The following SGO2 variants were observed in gnomAD, a reference collection of about 807,000 sequenced individuals.
SGO2 encodes shugoshin-like 2.
In SGO2, 68 loss-of-function variants were observed where a neutral mutation model predicts 99.5. The ratio of observed to expected loss-of-function variants is 0.68; its 90% confidence interval spans 0.56 to 0.84. SGO2 has a LOEUF of 0.84. SGO2 is among the 40% of genes least tolerant of loss of function. The pLI is 0.00. For synonymous variants in SGO2, 457 were observed against 487.1 expected (o/e 0.94, Z 0.81); for missense variants, 1,350 against 1,436.7 (o/e 0.94, Z 0.97).
chr2:200,567,396 CTA>C (rs771095914), intron 5 of SGO2, among the ~76,000 whole-genome samples: 26 of 152,196 alleles, frequency 1.7e-4, no homozygotes, highest in Non-Finnish European at 2.4e-4. Context: ...TCATTGGTGT[CTA>C]TTTTTAAATT....
rs751265110 is a variant in SGO2 at position 200,542,601 on chromosome 2, T to C, written c.410T>C (p.Leu137Pro). ...TAGTTCCATCAGAGTTCCTTTCTACTGTCAGCTAGCAAGAAGAAACGAATT... is the reference window on the plus strand; with the variant it reads ...TAGTTCCATCAGAGTTCCTTTCTACCGTCAGCTAGCAAGAAGAAACGAATT... ...LSEFHQSSFL[L>P]SASKKKRISK... Residue 137 changes from leucine (L) to proline (P), a missense_variant, in exon 5 of 9, where the codon CTG (leucine) becomes CCG (proline). Transcript: ENST00000357799. The C allele has an allele frequency of 6.2e-7, 1 of 1,612,924 alleles. No individual in the cohort carries two copies. The highest frequency in any genetic ancestry group is 1.1e-5 in the South Asian group (1 of 91,006).
intron 5 of SGO2, among the ~76,000 whole-genome samples, chr2:200,560,622 C>T (rs531579781): frequency 2.0e-5 from 3 of 152,016 alleles, no homozygotes; most frequent in Admixed American, 1.3e-4. Flanking sequence ...AATTCCACTT[C>T]GTTATGATGT....
chr2:200,555,819 A>G (rs1407242391), intron 5 of SGO2, among the ~76,000 whole-genome samples: 1 of 152,236 alleles, frequency 6.6e-6, no homozygotes, highest in Non-Finnish European at 1.5e-5. Flanking sequence ...GAAACAGAAT[A>G]GAGCCTTAGA....
chr2:200,574,554 A>T (rs1316406767), intron 7 of SGO2, among the ~76,000 whole-genome samples: 2 of 152,054 alleles, frequency 1.3e-5, no homozygotes, highest in Non-Finnish European at 2.9e-5. Flanking sequence ...AGTAATTTTG[A>T]CTAGAGGAAT....
intron 5 of SGO2, among the ~76,000 whole-genome samples, chr2:200,566,558 T>G (rs1439140935): frequency 2.0e-5 from 3 of 152,176 alleles, no homozygotes; most frequent in Non-Finnish European, 4.4e-5. Flanking sequence ...TTCTCAGATC[T>G]CAAACCCTGG....
rs2033487354 is a variant in SGO2, at chr2:200,572,706, G to A, written c.2360G>A (p.Gly787Glu). Residue 787 changes from glycine (G) to glutamate (E), a missense_variant, in exon 7 of 9, where the codon GGG becomes GAG. By Grantham distance (98) the Gly-to-Glu change is moderately conservative (BLOSUM62 -2). Transcript: ENST00000357799. ...LYDSEIQNVL[G>E]VKHGHDMQPA... ...GATTCTGAGATTCAAAATGTTTTGG[G>A]GGTGAAACATGGCCATGATATGCAA... 2 of 1,612,720 alleles carry A rather than the reference G, an allele frequency of 1.2e-6. No individual in the cohort carries two copies. The highest frequency in any genetic ancestry group is 2.7e-5 in the African/African-American group (2 of 74,922).
chr2:200,578,426 G>T (rs1464051316), intron 8 of SGO2, among the ~76,000 whole-genome samples: 1 of 152,124 alleles, frequency 6.6e-6, no homozygotes, highest in Non-Finnish European at 1.5e-5. Flanking sequence ...GCTTAATTAG[G>T]TGCTCTGCTT....
In SGO2 at chr2:200,583,274, TAGTG is replaced by T. The variant is rs529028521; in HGVS notation, c.3783-172_3783-169del. 1.8e-3 allele frequency among the ~76,000 whole-genome samples: 277 copies of T among 152,348 alleles called. 3 individuals are homozygous for T. Among genetic ancestry groups the T allele is most frequent in the African/African-American group, 5.8e-3 (243 of 41,588 alleles). On this transcript the variant is annotated intron_variant, in intron 8 of 8. Transcript: ENST00000357799. ...AAATGAATTATTTGAAGTACTCTGA[TAGTG>T]AGAACTATAAGATTTAAGAAAAATT...
At position 200,573,598 on chromosome 2, in the gene SGO2, C is replaced by T; in HGVS notation, c.3252C>T (p.Thr1084=). The T allele has an allele frequency of 6.2e-7, 1 of 1,607,056 alleles. No homozygotes were observed. Among genetic ancestry groups the T allele is most frequent in the Non-Finnish European group, 8.5e-7 (1 of 1,178,050 alleles). ...CATCTAAGTCAAAGAAAAGGAAGACCTCCATAGATCCTTCTCCAGAGAGCC... is the reference window on the plus strand; with the variant it reads ...CATCTAAGTCAAAGAAAAGGAAGACTTCCATAGATCCTTCTCCAGAGAGCC... ...KMTSKSKKRK[T]SIDPSPESHE... is the part of the protein sequence containing the mutation. The change falls in exon 7 of 9, where the codon ACC becomes ACT. Residue 1084 remains threonine (T), a synonymous_variant. Coordinates refer to ENST00000357799, the MANE Select transcript of SGO2 (RefSeq NM_152524.6).
In SGO2 at chr2:200,572,275, A is replaced by G. The variant is rs777991989; in HGVS notation, c.1929A>G (p.Lys643=). 9 of 1,610,770 alleles carry G rather than the reference A, an allele frequency of 5.6e-6. No individual in the cohort carries two copies. Among genetic ancestry groups the G allele is most frequent in the Non-Finnish European group, 7.6e-6 (9 of 1,179,064 alleles). The change falls in exon 7 of 9, where the codon AAA becomes AAG. Residue 643 remains lysine (K), a synonymous_variant. Coordinates refer to ENST00000357799, the MANE Select transcript of SGO2 (RefSeq NM_152524.6). ...NDKDVVHGLK[K]GNFFFKTQED... The stretch of plus-strand genomic sequence containing the variant: ...AAGATGTGGTGCATGGCCTAAAAAA[A>G]GGTAATTTTTTTTTCAAAACCCAAG...
intron 5 of SGO2, among the ~76,000 whole-genome samples, chr2:200,550,165 A>C (rs546316708): frequency 3.5e-4 from 53 of 152,342 alleles, no homozygotes; most frequent in African/African-American, 1.2e-3. Flanking sequence ...AAAGTTCTAT[A>C]GAAGGAAAAT....
intron 5 of SGO2, among the ~76,000 whole-genome samples, chr2:200,557,137 A>C (rs1320364380): frequency 6.6e-6 from 1 of 152,214 alleles, no homozygotes; most frequent in Admixed American, 6.5e-5. Flanking sequence ...TCCAAAGAGA[A>C]GAGTGGTTAA....
chr2:200,541,972 T>C (rs1248524453), intron 4 of SGO2, among the ~76,000 whole-genome samples: 1 of 152,168 alleles, frequency 6.6e-6, no homozygotes, highest in Non-Finnish European at 1.5e-5. Context: ...AAAGTTTTCT[T>C]TGTTTTTTTA....
chr2:200,569,800 C>T lies in SGO2; in HGVS notation c.611C>T (p.Ser204Leu), dbSNP rs201953512. 173 of 1,609,632 alleles carry T rather than the reference C, an allele frequency of 1.1e-4. No homozygotes were observed. The Middle Eastern group carries it at 2.1e-3, about 20-fold the overall frequency. Residue 204 changes from serine (S) to leucine (L), a missense_variant, in exon 6 of 9, where the codon TCG (serine) becomes TTG (leucine). Transcript: ENST00000357799. ...CAACCTTTATCAACTCAGGATAATT[C>T]GGAAGTGTTATTTCTTAAAGAAAAT... ...TTQPLSTQDNSEVLFLKENNQ... is the reference protein window; with the variant it reads ...TTQPLSTQDNLEVLFLKENNQ...
intron 1 of SGO2, among the ~76,000 whole-genome samples, 189 bp from the exon 2 acceptor site, chr2:200,532,785 T>C (rs1045980206): frequency 6.6e-6 from 1 of 152,148 alleles, no homozygotes; most frequent in Admixed American, 6.6e-5. Flanking sequence ...AAAATAATCA[T>C]TTACCTTTTT....
At position 200,573,553 on chromosome 2, in the gene SGO2, TA is replaced by T. The variant is rs778003980; in HGVS notation, c.3212del (p.Lys1071ArgfsTer2). ...EEIKEGECQVKKVNKMTSKSK... is the reference protein window; with the variant it reads ...EEIKEGECQVXKVNKMTSKSK... ...AAATAAAAGAAGGAGAGTGTCAGGT[TA>T]AAAAGGTAAATAAAATGACATCTAA... On this transcript the variant is annotated frameshift_variant, in exon 7 of 9. Transcript: ENST00000357799. LOFTEE classifies it high-confidence loss of function. 2.8e-5 allele frequency: 45 copies of T among 1,606,756 alleles called. No homozygotes were observed. In the Admixed American group the frequency reaches 6.7e-4, roughly 24 times the overall value.
chr2:200,569,759 T>C lies in SGO2; in HGVS notation c.570T>C (p.Ser190=), dbSNP rs772787252. 27 of 1,612,830 alleles carry C rather than the reference T, an allele frequency of 1.7e-5. No individual in the cohort carries two copies. Among genetic ancestry groups the C allele is most frequent in the Non-Finnish European group, 2.3e-5 (27 of 1,179,024 alleles). ...IKSKTLPDIP[S]SGSTTQPLST... ...CAAAGACATTACCTGATATTCCCTC[T>C]TCAGGATCAACAACACAACCTTTAT... Residue 190 remains serine, a synonymous_variant, in exon 6 of 9, where the codon TCT becomes TCC. Coordinates refer to ENST00000357799, the MANE Select transcript of SGO2 (RefSeq NM_152524.6).
chr2:200,555,670 G>A (rs1248530189), intron 5 of SGO2, among the ~76,000 whole-genome samples: 1 of 152,120 alleles, frequency 6.6e-6, no homozygotes, highest in African/African-American at 2.4e-5. Flanking sequence ...CATGCAAACA[G>A]CCGAGTATCC....
intron 8 of SGO2, chr2:200,575,934 T>C (rs555874658): frequency 9.3e-6 from 2 of 215,576 alleles, no homozygotes; most frequent in East Asian, 2.8e-4. Flanking sequence ...ATTTATCCAT[T>C]CCTCAGGTTC....
Sources: allele counts gnomAD v4.1 joint callset (sites outside exome capture counted in the v4.1 genomes callset), GRCh38; gene constraint gnomAD v4.1.1; transcripts MANE v1.5; gene names NCBI Gene and HGNC (gene_info 2026-07-23, HGNC 2026-07-21).